Variants in CELF2 observed in about 807,000 individuals in gnomAD.
CELF2 encodes the protein CUG triplet repeat RNA-binding protein 2.
A neutral mutation model predicts 62.6 loss-of-function variants in CELF2; 8 were observed. The ratio of observed to expected loss-of-function variants is 0.13; its 90% confidence interval spans 0.07 to 0.23. CELF2 has a LOEUF of 0.23. CELF2 is among the 10% of genes least tolerant of loss of function. The pLI, the probability that CELF2 is intolerant of heterozygous loss-of-function variation, is 1.00. For missense variants in CELF2, 333 were observed against 671.0 expected (o/e 0.50, Z 5.56); for synonymous variants, 258 against 250.0 (o/e 1.03, Z -0.30).
chr10:10,686,257 A>C, the CELF2 span, among the ~76,000 whole-genome samples: 4 of 126,460 alleles, frequency 3.2e-5, no homozygotes, highest in Non-Finnish European at 6.2e-5. Context: ...TTTACCTGGA[A>C]ACTTAATTGC....
At chr10:10,465,474 C>T in the CELF2 span, among the ~76,000 whole-genome samples, 15 of 152,160 alleles carry the variant, frequency 9.9e-5, no homozygotes, top group Non-Finnish European at 1.8e-4. Flanking sequence ...TTCAATTCTT[C>T]ACCTATAGCC....
the CELF2 span, among the ~76,000 whole-genome samples, chr10:10,775,403 G>A: frequency 6.6e-6 from 1 of 152,192 alleles, no homozygotes; most frequent in East Asian, 2.0e-4. Context: ...GGCCAAGGCA[G>A]GCAATGACTT....
chr10:11,025,504 G>A lies in CELF2; in HGVS notation c.74+7341G>A, dbSNP rs146379900. Among the ~76,000 whole-genome samples, 675 of 152,172 alleles carry A rather than the reference G, an allele frequency of 4.4e-3. 2 individuals are homozygous for A. Among genetic ancestry groups the A allele is most frequent in the Non-Finnish European group, 6.5e-3 (444 of 67,998 alleles). On this transcript the variant is annotated intron_variant, in intron 1 of 12. Transcript: ENST00000633077. ...CCCTTCTTGCCACCTTGTGAGGGAGGTGCCTGGCTTCCCCTTCCCTTTCTG... is the reference window on the plus strand; with the variant it reads ...CCCTTCTTGCCACCTTGTGAGGGAGATGCCTGGCTTCCCCTTCCCTTTCTG...
the CELF2 span, chr10:10,776,768 G>A: frequency 6.5e-6 from 1 of 153,532 alleles, no homozygotes; most frequent in Non-Finnish European, 1.5e-5. Context: ...TCAGCTTGTG[G>A]AAGCCCAGGG....
At chr10:11,326,021 C>T in intron 12 of CELF2, 42 bp downstream of exon 12, 1 of 1,577,334 alleles carries the variant, frequency 6.3e-7, no homozygotes, top group South Asian at 1.2e-5. Context: ...AGTAGGTTCC[C>T]AAGTGAAGAG....
the CELF2 span, among the ~76,000 whole-genome samples, chr10:10,640,957 A>G: frequency 1.3e-5 from 2 of 152,064 alleles, no homozygotes; most frequent in Non-Finnish European, 2.9e-5. Flanking sequence ...GGCCAAAGAG[A>G]TCTGTACTGG....
chr10:10,688,057 T>C, the CELF2 span, among the ~76,000 whole-genome samples: 2 of 152,378 alleles, frequency 1.3e-5, no homozygotes, highest in South Asian at 4.1e-4. Flanking sequence ...CGAACAAGTT[T>C]ATCACCATGG....
At chr10:10,672,401 G>A in the CELF2 span, among the ~76,000 whole-genome samples, 5 of 151,084 alleles carry the variant, frequency 3.3e-5, no homozygotes, top group Non-Finnish European at 7.4e-5. Context: ...TTACCTTCTA[G>A]GAGTTTTATA....
At chr10:10,803,281 C>T (rs1191534694) in intron 1 of CELF2, among the ~76,000 whole-genome samples, 1 of 152,198 alleles carries the variant, frequency 6.6e-6, no homozygotes, top group Admixed American at 6.5e-5. Context: ...GAGTCAAAGC[C>T]AGTATCCTTA....
At chr10:10,565,557 G>T in the CELF2 span, among the ~76,000 whole-genome samples, 2 of 152,150 alleles carry the variant, frequency 1.3e-5, no homozygotes, top group Admixed American at 6.5e-5. Flanking sequence ...TCTAACTTTT[G>T]TAAGACCTGG....
chr10:10,718,046 G>C, the CELF2 span, among the ~76,000 whole-genome samples: 1 of 151,994 alleles, frequency 6.6e-6, no homozygotes, highest in Non-Finnish European at 1.5e-5. Flanking sequence ...CTTCGTCTTT[G>C]GTGTTAAAAA....
At chr10:10,582,645 A>G in the CELF2 span, among the ~76,000 whole-genome samples, 151 of 152,296 alleles carry the variant, frequency 9.9e-4, no homozygotes, top group African/African-American at 3.5e-3. Context: ...CAAGCAATCA[A>G]TAAGCATTGT....
At chr10:10,561,817 C>A in the CELF2 span, among the ~76,000 whole-genome samples, 1 of 152,170 alleles carries the variant, frequency 6.6e-6, no homozygotes, top group Non-Finnish European at 1.5e-5. Context: ...CTAGGACGGA[C>A]AGTGGTGGCA....
Position 11,270,846 on chromosome 10 carries a change from C to A in CELF2, c.777+22C>A. On this transcript the variant is annotated intron_variant, in intron 7 of 12. Transcript: ENST00000633077. The surrounding 1 kb of genome is among the most constrained non-coding windows in gnomAD (Gnocchi z 5.8). Reference sequence around the variant, plus strand: ...GGCGGTAAGTGCTGGGCAATGCCGGCGTGGTCTTCACCCGCTGAAACTCTG... The same window carrying A: ...GGCGGTAAGTGCTGGGCAATGCCGGAGTGGTCTTCACCCGCTGAAACTCTG... 1 of 1,350,250 alleles carries A rather than the reference C, an allele frequency of 7.4e-7. No homozygotes were observed. Among genetic ancestry groups the A allele is most frequent in the South Asian group, 2.2e-5 (1 of 45,406 alleles). 83.6% of individuals were successfully genotyped at this position (1,350,250 alleles called of 1,614,324 possible).
Position 11,011,284 on chromosome 10 carries a change from T to C in CELF2, c.53+5844T>C, listed in dbSNP as rs2056420609. ...GCAGTGCTCAATGAAAGACATAGTC[T>C]GGGGCCTCAAGCAACTCACAGCACT... On this transcript the variant is annotated intron_variant, in intron 1 of 12. Coordinates refer to the CELF2 transcript ENST00000416382. This position sits in a 1 kb window ranked among gnomAD's most constrained non-coding sequence, Gnocchi z 4.6. Among the ~76,000 whole-genome samples, 1 of 151,972 alleles carries C rather than the reference T, an allele frequency of 6.6e-6. No homozygotes were observed. The highest frequency in any genetic ancestry group is 2.4e-5 in the African/African-American group (1 of 41,362).
the CELF2 span, among the ~76,000 whole-genome samples, chr10:10,547,470 A>T: frequency 1.3e-5 from 2 of 152,198 alleles, no homozygotes; most frequent in African/African-American, 4.8e-5. Context: ...AAAAAAGCAA[A>T]GCGCACAAAA....
At chr10:10,495,576 G>A in the CELF2 span, among the ~76,000 whole-genome samples, 7 of 152,144 alleles carry the variant, frequency 4.6e-5, no homozygotes, top group African/African-American at 1.2e-4. Context: ...CACAGGGTCC[G>A]CAGACAACCA....
chr10:10,918,315 C>T (rs1372762800), intron 1 of CELF2, among the ~76,000 whole-genome samples: 1 of 152,190 alleles, frequency 6.6e-6, no homozygotes, highest in Admixed American at 6.5e-5. Flanking sequence ...TCTTCAAAGA[C>T]ATGAACATGT....
chr10:11,210,687 G>C (rs1253291207), intron 2 of CELF2, among the ~76,000 whole-genome samples: 1 of 152,220 alleles, frequency 6.6e-6, no homozygotes, highest in African/African-American at 2.4e-5. Flanking sequence ...GGCTGCAGAA[G>C]AGTCATGAGG....
Sources: gnomAD v4.1 joint callset for allele counts (sites outside exome capture counted in the v4.1 genomes callset) on GRCh38, gnomAD v4.1.1 for gene constraint, Gnocchi (gnomAD v3.1) non-coding constraint, MANE v1.5 for transcripts, NCBI Gene and HGNC (gene_info 2026-07-23, HGNC 2026-07-21) for gene names.